KCNH5: variants seen among roughly 807,000 people sequenced by gnomAD.
The protein encoded by KCNH5 is voltage-gated delayed rectifier potassium channel KCNH5.
In KCNH5, 46 loss-of-function variants were observed where a neutral mutation model predicts 96.1. That is an observed-to-expected ratio of 0.48 (90% CI 0.38 to 0.61). The LOEUF (loss-of-function observed/expected upper bound fraction) is 0.61, where lower values mean the gene tolerates loss of function less well. Ranked by LOEUF, KCNH5 falls within the 20% of genes least tolerant of loss-of-function variation. The probability of loss-of-function intolerance (pLI) is 0.00; values close to 1 mark genes in which losing one functional copy is unlikely to be tolerated. For missense variants in KCNH5, 907 were observed against 1,225.8 expected (o/e 0.74, Z 3.88); for synonymous variants, 439 against 449.8 (o/e 0.98, Z 0.30).
chr14:62,716,064 T>C (rs1485017530), intron 10 of KCNH5, among the ~76,000 whole-genome samples: 2 of 152,214 alleles, frequency 1.3e-5, no homozygotes, highest in African/African-American at 4.8e-5. Flanking sequence ...ATCATAAACA[T>C]GAAAATATGT....
chr14:63,023,926 C>T (rs1230705925), intron 1 of KCNH5, among the ~76,000 whole-genome samples: 7 of 152,032 alleles, frequency 4.6e-5, no homozygotes, highest in African/African-American at 1.7e-4. Flanking sequence ...TATCTTGAGA[C>T]AGGCTGGGCG....
rs371279125 is a variant in KCNH5 at position 62,801,966 on chromosome 14, G to C, written c.1822+363C>G. Among the ~76,000 whole-genome samples, 335 of 152,180 alleles carry C rather than the reference G, an allele frequency of 2.2e-3. 2 individuals carry two copies. The highest frequency in any genetic ancestry group is 4.0e-3 in the Non-Finnish European group (271 of 68,002). On this transcript the variant is annotated intron_variant, in intron 9 of 10. Coordinates refer to ENST00000322893, the MANE Select transcript of KCNH5 (RefSeq NM_139318.5). Reference sequence around the variant, plus strand: ...TAAAGAAAAGGGTTGAACTAGACAGGTTCTGTTGCCCTTCTGAGACTAACA... The same window carrying C: ...TAAAGAAAAGGGTTGAACTAGACAGCTTCTGTTGCCCTTCTGAGACTAACA...
intron 10 of KCNH5, among the ~76,000 whole-genome samples, chr14:62,737,508 C>T (rs1263337917): frequency 6.6e-6 from 1 of 152,110 alleles, no homozygotes; most frequent in Non-Finnish European, 1.5e-5. Context: ...GAGAAGAAAT[C>T]CAGCCTACCT....
intron 7 of KCNH5, among the ~76,000 whole-genome samples, chr14:62,897,164 G>A (rs1888830695): frequency 6.6e-6 from 1 of 152,118 alleles, no homozygotes; most frequent in South Asian, 2.1e-4. Context: ...TTTTGCTAAT[G>A]CTTTACTGAC....
chr14:62,805,215 C>T (rs1483491234), intron 8 of KCNH5, among the ~76,000 whole-genome samples: 1 of 152,116 alleles, frequency 6.6e-6, no homozygotes, highest in Admixed American at 6.6e-5. Context: ...CATGTTATTT[C>T]CTTTTAATAA....
intron 9 of KCNH5, among the ~76,000 whole-genome samples, chr14:62,797,801 A>G (rs1886570863): frequency 6.6e-6 from 1 of 151,558 alleles, no homozygotes; most frequent in Non-Finnish European, 1.5e-5. Flanking sequence ...CTGCAACCTC[A>G]GCCTCCTGGG....
rs190307841 is a variant in KCNH5 at position 62,725,867 on chromosome 14, G to A, written c.2020-17412C>T. Among the ~76,000 whole-genome samples, 6 of 152,184 alleles carry A rather than the reference G, an allele frequency of 3.9e-5. No individual in the cohort carries two copies. The East Asian group carries it at 7.7e-4, about 20-fold the overall frequency. On this transcript the variant is annotated intron_variant, in intron 10 of 10. Transcript: ENST00000322893. Reference sequence around the variant, plus strand: ...TAGCCAAAGCAATATTCATTAAGAAGAAAAAACTGGAAGATTTATACTGCC... The same window carrying A: ...TAGCCAAAGCAATATTCATTAAGAAAAAAAAACTGGAAGATTTATACTGCC...
At chr14:62,920,077 G>T (rs753994628) in intron 7 of KCNH5, among the ~76,000 whole-genome samples, 2 of 152,222 alleles carry the variant, frequency 1.3e-5, no homozygotes, top group Non-Finnish European at 1.5e-5. Context: ...TCTCCATGAT[G>T]AGTTGGCAGT....
At chr14:62,942,922 C>T (rs1445221952) in intron 7 of KCNH5, among the ~76,000 whole-genome samples, 1 of 152,198 alleles carries the variant, frequency 6.6e-6, no homozygotes, top group East Asian at 1.9e-4. Context: ...CTGCATGGGT[C>T]AGCCTGTCTC....
At chr14:62,961,980 T>C (rs1211809845) in intron 6 of KCNH5, among the ~76,000 whole-genome samples, 3 of 149,696 alleles carry the variant, frequency 2.0e-5, no homozygotes, top group South Asian at 2.1e-4. Context: ...GAGATGCAGA[T>C]AGAGATGCAG....
intron 9 of KCNH5, among the ~76,000 whole-genome samples, chr14:62,796,582 G>A (rs1261745758): frequency 1.3e-5 from 2 of 152,140 alleles, no homozygotes; most frequent in Non-Finnish European, 2.9e-5. Flanking sequence ...ATAGATTTAT[G>A]AGCAGGTAAG....
rs1269777290 is a variant in KCNH5 at position 62,707,620 on chromosome 14, G to A, written c.2855C>T (p.Ser952Phe). 6.4e-7 allele frequency: 1 copy of A among 1,553,612 alleles called. No homozygotes were observed. Among genetic ancestry groups the A allele is most frequent in the Non-Finnish European group, 8.7e-7 (1 of 1,146,934 alleles). ...TTGGAGTGGCATTTGGGATTTGGGA[G>A]ATGAGGCCTGGGGTACGCTTTTTTC... ...LSEKSVPQAS[S>F]PKSQMPLQVP... is the part of the protein sequence containing the mutation. The change falls in exon 11 of 11, where the codon TCT becomes TTT. Residue 952 changes from serine to phenylalanine, a missense_variant. By Grantham distance (155) the Ser-to-Phe change is radical (BLOSUM62 -2). This residue lies in a region of KCNH5 where 362 missense variants were observed against 394.4 expected (regional missense o/e 0.92). Coordinates refer to ENST00000322893, the MANE Select transcript of KCNH5 (RefSeq NM_139318.5).
At chr14:63,002,935 T>C (rs1238546824) in intron 3 of KCNH5, among the ~76,000 whole-genome samples, 1 of 152,102 alleles carries the variant, frequency 6.6e-6, no homozygotes, top group Non-Finnish European at 1.5e-5. Context: ...CCAGGAACTG[T>C]GAGTGATGTG....
chr14:62,825,104 T>G (rs1354417350), intron 8 of KCNH5, among the ~76,000 whole-genome samples: 1 of 152,078 alleles, frequency 6.6e-6, no homozygotes. Context: ...ACGATTTGTT[T>G]TCTTTTGCAT....
At chr14:62,870,951 T>C (rs1317680450) in intron 7 of KCNH5, among the ~76,000 whole-genome samples, 1 of 152,174 alleles carries the variant, frequency 6.6e-6, no homozygotes, top group African/African-American at 2.4e-5. Context: ...TGAATCATTG[T>C]CTAAAACTGC....
intron 10 of KCNH5, 100 bp downstream of exon 10, chr14:62,779,628 G>T: frequency 1.1e-6 from 1 of 935,692 alleles, no homozygotes; most frequent in Non-Finnish European, 1.5e-6. Flanking sequence ...TGGGAATTTA[G>T]TGCTGCAAAA....
chr14:62,849,157 A>C (rs1281084373), intron 8 of KCNH5, among the ~76,000 whole-genome samples: 2 of 152,186 alleles, frequency 1.3e-5, no homozygotes, highest in African/African-American at 4.8e-5. Context: ...GTAAAGTGGA[A>C]AATAAAGACT....
At chr14:62,990,566 A>G (rs1890790826) in intron 4 of KCNH5, among the ~76,000 whole-genome samples, 2 of 152,116 alleles carry the variant, frequency 1.3e-5, no homozygotes, top group South Asian at 4.1e-4. Context: ...CAGAAAGAAA[A>G]TGAAAGAGAA....
rs556804070 is a variant in KCNH5, at chr14:62,889,112, T to C, written c.1370-39260A>G. On this transcript the variant is annotated intron_variant, in intron 7 of 10. Coordinates refer to ENST00000322893, the MANE Select transcript of KCNH5 (RefSeq NM_139318.5). ...ATGAGCTCTGAGAAGGAGGAGATTT[T>C]GTCTAAAGTTCCTATACCACACCCT... 2.6e-5 allele frequency among the ~76,000 whole-genome samples: 4 copies of C among 152,346 alleles called. No homozygotes were observed. In the South Asian group the frequency reaches 8.3e-4, roughly 32 times the overall value.
Sources: allele counts gnomAD v4.1 joint callset (sites outside exome capture counted in the v4.1 genomes callset), GRCh38; gene constraint gnomAD v4.1.1; regional missense constraint gnomAD v4.1.1; transcripts MANE v1.5; gene names NCBI Gene and HGNC (gene_info 2026-07-23, HGNC 2026-07-21).